Variants in SPOCK1 observed in about 807,000 individuals in gnomAD.
SPOCK1 encodes SPARC (osteonectin), cwcv and kazal like domains proteoglycan 1, also known as testican-1.
SPOCK1 carries 23 observed loss-of-function variants against 55.3 expected under a neutral mutation model. That is an observed-to-expected ratio of 0.42 (90% confidence interval 0.30 to 0.59). The LOEUF (loss-of-function observed/expected upper bound fraction) is 0.59, where lower values mean the gene tolerates loss of function less well. Among genes scored for constraint, SPOCK1 ranks in the 20% least tolerant of loss-of-function variants. The probability of loss-of-function intolerance (pLI) is 0.22; values close to 1 mark genes in which losing one functional copy is unlikely to be tolerated. For synonymous variants in SPOCK1, 226 were observed against 221.0 expected, an observed-to-expected ratio of 1.02 and a Z score of -0.20; for missense variants, 499 against 552.5, an observed-to-expected ratio of 0.90 and a Z score of 0.97.
intron 3 of SPOCK1, among the ~76,000 whole-genome samples, chr5:137,266,191 A>G (rs1397205462): frequency 1.3e-5 from 2 of 152,192 alleles, no homozygotes; most frequent in Admixed American, 1.3e-4. Context: ...ATCACATCGA[A>G]TACTCACATT....
chr5:137,276,644 C>A (rs1757073132), intron 2 of SPOCK1, among the ~76,000 whole-genome samples: 1 of 152,256 alleles, frequency 6.6e-6, no homozygotes, highest in Non-Finnish European at 1.5e-5. Context: ...TCCACAACTT[C>A]TTCCCCTTTG....
intron 2 of SPOCK1, among the ~76,000 whole-genome samples, chr5:137,426,044 A>G (rs1752603766): frequency 6.6e-6 from 1 of 151,644 alleles, no homozygotes; most frequent in African/African-American, 2.4e-5. Flanking sequence ...TAGGTACTAC[A>G]CCCAACAGCT....
intron 3 of SPOCK1, among the ~76,000 whole-genome samples, chr5:137,208,500 T>C (rs1457636844): frequency 6.6e-6 from 1 of 152,202 alleles, no homozygotes. Flanking sequence ...ATGTGGTACA[T>C]ATACACCATG....
chr5:137,124,551 C>G (rs938116447), intron 4 of SPOCK1, among the ~76,000 whole-genome samples: 2 of 152,178 alleles, frequency 1.3e-5, no homozygotes, highest in Admixed American at 1.3e-4. Context: ...AAGGATAAAC[C>G]TAGGCCAGGC....
chr5:137,384,586 A>AT (rs34256200), intron 2 of SPOCK1, among the ~76,000 whole-genome samples: 5 of 146,510 alleles, frequency 3.4e-5, no homozygotes, highest in South Asian at 4.3e-4. Flanking sequence ...ATATGTATGT[A>AT]TTTTTTTTTC....
intron 3 of SPOCK1, among the ~76,000 whole-genome samples, chr5:137,239,366 A>G (rs531731869): frequency 6.6e-6 from 1 of 152,284 alleles, no homozygotes; most frequent in South Asian, 2.1e-4. Context: ...CATTTATATC[A>G]TTTATAACAA....
chr5:137,093,228 G>GA (rs1753079893), intron 5 of SPOCK1, among the ~76,000 whole-genome samples: 1 of 152,138 alleles, frequency 6.6e-6, no homozygotes, highest in South Asian at 2.1e-4. Context: ...TCATGATCCT[G>GA]TGCTCTCTTT....
chr5:137,495,299 T>C (rs538975956), intron 2 of SPOCK1, among the ~76,000 whole-genome samples: 1 of 152,320 alleles, frequency 6.6e-6, no homozygotes, highest in Non-Finnish European at 1.5e-5. Flanking sequence ...TCTGGCAATG[T>C]CACAGCACAC....
At chr5:137,445,832 A>G (rs1753116088) in intron 2 of SPOCK1, among the ~76,000 whole-genome samples, 1 of 152,184 alleles carries the variant, frequency 6.6e-6, no homozygotes, top group South Asian at 2.1e-4. Flanking sequence ...GACTGGACAT[A>G]CAATCACTTC....
chr5:137,326,963 G>C (rs1301129842), intron 2 of SPOCK1, among the ~76,000 whole-genome samples: 1 of 152,142 alleles, frequency 6.6e-6, no homozygotes, highest in Non-Finnish European at 1.5e-5. Context: ...TCATCCAAAA[G>C]AGCCTCACTC....
At chr5:137,292,581 C>A (rs1757394297) in intron 2 of SPOCK1, among the ~76,000 whole-genome samples, 1 of 152,056 alleles carries the variant, frequency 6.6e-6, no homozygotes, top group Non-Finnish European at 1.5e-5. Flanking sequence ...TAGAACGAAG[C>A]CCTTCCCAGG....
intron 2 of SPOCK1, among the ~76,000 whole-genome samples, chr5:137,267,443 A>G (rs568081110): frequency 6.6e-6 from 1 of 152,328 alleles, no homozygotes; most frequent in Admixed American, 6.5e-5. Context: ...CTGATAATTC[A>G]ACTGTCAACA....
chr5:137,416,524 T>C (rs1752331380), intron 2 of SPOCK1, among the ~76,000 whole-genome samples: 1 of 152,116 alleles, frequency 6.6e-6, no homozygotes, highest in African/African-American at 2.4e-5. Context: ...GATAGCCTTA[T>C]ATAATCCTCC....
At chr5:137,037,241 C>T (rs978367027) in intron 6 of SPOCK1, among the ~76,000 whole-genome samples, 1 of 151,582 alleles carries the variant, frequency 6.6e-6, no homozygotes, top group Non-Finnish European at 1.5e-5. Context: ...CAAGCACTTA[C>T]TAGATGCTAG....
rs114280169 is a variant in SPOCK1, at chr5:137,136,161, T to C, written c.347+4419A>G. Among the ~76,000 whole-genome samples, 484 of 152,356 alleles carry C rather than the reference T, an allele frequency of 3.2e-3. 3 individuals are homozygous for C. The highest frequency in any genetic ancestry group is 0.011 in the African/African-American group (453 of 41,584). On this transcript the variant is annotated intron_variant, in intron 4 of 10. Transcript: ENST00000394945. The stretch of plus-strand genomic sequence containing the variant: ...TTTTTGTGTCCTACTTAAGAAATCT[T>C]AGTCAAACTCAAGGTCATAACTCCT...
intron 5 of SPOCK1, among the ~76,000 whole-genome samples, chr5:137,094,320 A>G (rs962151976): frequency 3.3e-5 from 5 of 152,198 alleles, no homozygotes; most frequent in African/African-American, 1.2e-4. Flanking sequence ...GCACCATGCT[A>G]TTCCTATTCA....
intron 2 of SPOCK1, among the ~76,000 whole-genome samples, chr5:137,302,779 G>A (rs970842402): frequency 1.1e-4 from 16 of 151,934 alleles, no homozygotes; most frequent in African/African-American, 3.4e-4. Flanking sequence ...GAGGACTTCC[G>A]GACTCAACGT....
intron 3 of SPOCK1, among the ~76,000 whole-genome samples, chr5:137,181,045 A>G (rs1754960744): frequency 6.6e-6 from 1 of 152,202 alleles, no homozygotes; most frequent in South Asian, 2.1e-4. Context: ...AGGGCCTTCT[A>G]GTCTGGAGTT....
chr5:137,184,603 AG>A (rs1755030621), intron 3 of SPOCK1, among the ~76,000 whole-genome samples: 1 of 152,200 alleles, frequency 6.6e-6, no homozygotes. Context: ...TGAAATCACA[AG>A]GGGCATCTGG....
Sources: allele counts gnomAD v4.1 joint callset (sites outside exome capture counted in the v4.1 genomes callset), GRCh38; gene constraint gnomAD v4.1.1; transcripts MANE v1.5; gene names NCBI Gene and HGNC (gene_info 2026-07-23, HGNC 2026-07-21).